The following IMMP2L variants were observed in gnomAD, a reference collection of about 807,000 sequenced individuals.
The protein encoded by IMMP2L is inner mitochondrial membrane peptidase subunit 2, also known as mitochondrial inner membrane protease subunit 2.
Under a neutral mutation model 19.3 loss-of-function variants are expected in IMMP2L, and 18 were observed. The observed-to-expected ratio is 0.93, with a 90% CI of 0.64 to 1.38. IMMP2L has a LOEUF of 1.38. Ranked by LOEUF, IMMP2L falls within the 40% of genes most tolerant of loss-of-function variation. The pLI is 0.00. For missense variants in IMMP2L, 233 were observed against 218.2 expected (o/e 1.07, Z -0.43); for synonymous variants, 76 against 73.0 (o/e 1.04, Z -0.21).
At chr7:111,415,769 A>AT (rs1345982546) in intron 3 of IMMP2L, among the ~76,000 whole-genome samples, 3 of 151,788 alleles carry the variant, frequency 2.0e-5, no homozygotes, top group Admixed American at 2.0e-4. Flanking sequence ...TAGGAATAAA[A>AT]TTCTCAATTT....
chr7:111,061,192 C>A (rs1457912000), intron 3 of IMMP2L, among the ~76,000 whole-genome samples: 1 of 152,134 alleles, frequency 6.6e-6, no homozygotes, highest in East Asian at 1.9e-4. Flanking sequence ...GTGTACATGG[C>A]ATACAGGCTG....
At chr7:110,860,335 TA>T (rs1328999094) in intron 5 of IMMP2L, among the ~76,000 whole-genome samples, 5 of 152,120 alleles carry the variant, frequency 3.3e-5, no homozygotes, top group Non-Finnish European at 7.4e-5. Context: ...TAGAAAATAT[TA>T]CCTCCTATTG....
chr7:110,974,335 C>T (rs1820470333), intron 3 of IMMP2L, among the ~76,000 whole-genome samples: 1 of 152,002 alleles, frequency 6.6e-6, no homozygotes, highest in Admixed American at 6.6e-5. Context: ...TATGTGGGAT[C>T]TAATCCACAT....
intron 5 of IMMP2L, among the ~76,000 whole-genome samples, chr7:110,745,104 T>C (rs1042422909): frequency 2.0e-5 from 3 of 152,142 alleles, no homozygotes; most frequent in Non-Finnish European, 4.4e-5. Flanking sequence ...TCGTGAAGCA[T>C]ACACAAGTAT....
intron 1 of IMMP2L, among the ~76,000 whole-genome samples, chr7:111,559,609 C>A (rs1441836162): frequency 6.6e-6 from 1 of 152,116 alleles, no homozygotes; most frequent in African/African-American, 2.4e-5. Context: ...AAAAGCAAAT[C>A]CCAGGGAGGC....
At chr7:111,205,042 G>GGT (rs1350871454) in intron 3 of IMMP2L, among the ~76,000 whole-genome samples, 1 of 152,154 alleles carries the variant, frequency 6.6e-6, no homozygotes, top group East Asian at 1.9e-4. Flanking sequence ...CCAAGACCAA[G>GGT]GTGCCAGCAT....
intron 5 of IMMP2L, among the ~76,000 whole-genome samples, chr7:110,883,787 A>C (rs1297425491): frequency 6.6e-6 from 1 of 152,106 alleles, no homozygotes; most frequent in Non-Finnish European, 1.5e-5. Context: ...ATTTTTAGAT[A>C]CTAGAATTTC....
At chr7:110,882,322 TTCCTTCCTTCCTTCCTTCCC>T (rs1563050770) in intron 5 of IMMP2L, among the ~76,000 whole-genome samples, 2 of 120,562 alleles carry the variant, frequency 1.7e-5, no homozygotes, top group Non-Finnish European at 3.6e-5. Context: ...CCTTCCTTCC[TTCCTTCCTTCCTTCCTTCCC>T]TCCTTCCTCT....
At chr7:110,968,681 G>C (rs1224399384) in intron 3 of IMMP2L, among the ~76,000 whole-genome samples, 3 of 152,000 alleles carry the variant, frequency 2.0e-5, no homozygotes, top group Non-Finnish European at 4.4e-5. Context: ...TCAAAAAAAA[G>C]TCCATTAGAA....
chr7:110,700,585 T>C (rs181446971), intron 5 of IMMP2L, among the ~76,000 whole-genome samples: 5 of 152,164 alleles, frequency 3.3e-5, no homozygotes, highest in Non-Finnish European at 7.4e-5. Context: ...TTCCCCAAAA[T>C]ATTTCCCCAA....
At chr7:111,081,511 G>C (rs972695832) in intron 3 of IMMP2L, among the ~76,000 whole-genome samples, 44 of 152,236 alleles carry the variant, frequency 2.9e-4, no homozygotes, top group African/African-American at 1.0e-3. Flanking sequence ...CACAGAGGGA[G>C]TGTCCTTAGT....
chr7:110,795,933 C>T (rs1397681992), intron 5 of IMMP2L, among the ~76,000 whole-genome samples: 1 of 152,028 alleles, frequency 6.6e-6, no homozygotes, highest in Non-Finnish European at 1.5e-5. Flanking sequence ...CAAATCTGAT[C>T]TTGAATTGTA....
chr7:110,994,660 G>A (rs1822849064), intron 3 of IMMP2L, among the ~76,000 whole-genome samples: 1 of 152,116 alleles, frequency 6.6e-6, no homozygotes, highest in East Asian at 1.9e-4. Flanking sequence ...ACCACTTATA[G>A]CTTAGCTGTC....
At chr7:111,324,830 C>A (rs1481698567) in intron 3 of IMMP2L, among the ~76,000 whole-genome samples, 1 of 151,744 alleles carries the variant, frequency 6.6e-6, no homozygotes, top group Non-Finnish European at 1.5e-5. Flanking sequence ...CAAACAATAA[C>A]ACACCAAAGA....
chr7:111,113,881 A>G (rs1415511959), intron 3 of IMMP2L, among the ~76,000 whole-genome samples: 1 of 152,184 alleles, frequency 6.6e-6, no homozygotes, highest in East Asian at 1.9e-4. Context: ...CTGGAACTAA[A>G]TCATAAGAAT....
chr7:110,878,629 A>G (rs1370310169), intron 5 of IMMP2L, among the ~76,000 whole-genome samples: 3 of 152,094 alleles, frequency 2.0e-5, no homozygotes, highest in African/African-American at 7.2e-5. Context: ...ACTGTTGTCA[A>G]TAGAATGCAT....
chr7:111,291,275 T>C (rs897068542), intron 3 of IMMP2L, among the ~76,000 whole-genome samples: 5 of 152,170 alleles, frequency 3.3e-5, no homozygotes, highest in Admixed American at 6.5e-5. Context: ...GACCAGTGGT[T>C]GCAGCAGCAG....
At chr7:111,512,548 C>T (rs1845546017) in intron 2 of IMMP2L, among the ~76,000 whole-genome samples, 1 of 152,046 alleles carries the variant, frequency 6.6e-6, no homozygotes, top group South Asian at 2.1e-4. Flanking sequence ...AAGCGTTCTA[C>T]AGATTCAATT....
At chr7:111,142,334 A>AG (rs1562846876) in intron 3 of IMMP2L, among the ~76,000 whole-genome samples, 18 of 63,702 alleles carry the variant, frequency 2.8e-4, no homozygotes, top group African/African-American at 8.6e-4. Flanking sequence ...TCAAAAAAAA[A>AG]AAAAAAAAAG....
Sources: allele counts gnomAD v4.1 joint callset (sites outside exome capture counted in the v4.1 genomes callset), GRCh38; gene constraint gnomAD v4.1.1; transcripts MANE v1.5; gene names NCBI Gene and HGNC (gene_info 2026-07-23, HGNC 2026-07-21).